Variants in PSD3 observed in about 807,000 individuals in gnomAD.
PSD3 encodes the protein pleckstrin and Sec7 domain containing 3, also known as PH and SEC7 domain-containing protein 3.
Under a neutral mutation model 105.5 loss-of-function variants are expected in PSD3, and 49 were observed. The ratio of observed to expected loss-of-function variants is 0.46; its 90% CI spans 0.37 to 0.59. The LOEUF is 0.59. PSD3 is among the 20% of genes least tolerant of loss of function. The probability of loss-of-function intolerance (pLI) is 0.00; values close to 1 mark genes in which losing one functional copy is unlikely to be tolerated. For synonymous variants in PSD3, 557 were observed against 457.8 expected, an observed-to-expected ratio of 1.22 and a Z score of -2.77; for missense variants, 1,561 against 1,263.8, an observed-to-expected ratio of 1.24 and a Z score of -3.57.
At chr8:18,906,927 G>C (rs535896104) in intron 2 of PSD3, among the ~76,000 whole-genome samples, 85 of 152,154 alleles carry the variant, frequency 5.6e-4, no homozygotes, top group African/African-American at 2.0e-3. Flanking sequence ...GCTAATGTGT[G>C]TTTCTGTGTC....
chr8:18,588,567 C>G (rs1170730613), intron 12 of PSD3, among the ~76,000 whole-genome samples: 1 of 152,154 alleles, frequency 6.6e-6, no homozygotes, highest in Non-Finnish European at 1.5e-5. Flanking sequence ...ACTATTCACT[C>G]TTCATAAATG....
At chr8:18,943,332 T>C (rs1822671591) in intron 1 of PSD3, among the ~76,000 whole-genome samples, 1 of 152,204 alleles carries the variant, frequency 6.6e-6, no homozygotes, top group African/African-American at 2.4e-5. Context: ...TATTTCTGGG[T>C]AAGATGGCAA....
rs150320499 is a variant in PSD3 at position 18,660,582 on chromosome 8, T to C, written c.2173-4897A>G. 3.6e-3 allele frequency among the ~76,000 whole-genome samples: 544 copies of C among 152,304 alleles called. 5 individuals carry two copies. The highest frequency in any genetic ancestry group is 0.012 in the African/African-American group (515 of 41,568). ...AGTCTTTCCCCACAGTGGTCTTATC[T>C]AAAGATGTGACAGTGCACAAGAAAA... On this transcript the variant is annotated intron_variant, in intron 9 of 15. Transcript: ENST00000327040.
At chr8:19,024,671 A>G (rs1025230) in intron 1 of PSD3, among the ~76,000 whole-genome samples, 74,445 of 151,854 alleles carry the variant, frequency 0.49, 19,156 homozygotes, top group Non-Finnish European at 0.58. Context: ...TTAGAGGGGT[A>G]GAACTTTCAG....
At chr8:18,840,325 G>A (rs143414826) in intron 4 of PSD3, among the ~76,000 whole-genome samples, 41 of 152,294 alleles carry the variant, frequency 2.7e-4, no homozygotes, top group African/African-American at 9.6e-4. Flanking sequence ...TGAACATGTT[G>A]GCCTCCCAAA....
chr8:18,899,223 T>C (rs748895703), intron 2 of PSD3, among the ~76,000 whole-genome samples: 7 of 152,184 alleles, frequency 4.6e-5, no homozygotes, highest in Non-Finnish European at 1.0e-4. Context: ...TGATACCTAT[T>C]TGCTCTTGAA....
intron 1 of PSD3, among the ~76,000 whole-genome samples, chr8:18,996,471 G>A (rs1414781092): frequency 6.6e-6 from 1 of 151,766 alleles, no homozygotes; most frequent in African/African-American, 2.4e-5. Flanking sequence ...TGATGGAGAT[G>A]GGAAGATAAG....
Position 18,632,224 on chromosome 8 carries a change from G to A in PSD3, c.2410+389C>T, listed in dbSNP as rs188680502. Among the ~76,000 whole-genome samples the A allele has an allele frequency of 2.5e-3, 375 of 151,988 alleles. 2 individuals are homozygous for A. The highest frequency in any genetic ancestry group is 4.6e-3 in the Admixed American group (70 of 15,250). On this transcript the variant is annotated intron_variant, in intron 11 of 15. Coordinates refer to ENST00000327040, the MANE Select transcript of PSD3 (RefSeq NM_015310.4). ...CCTTACACCATTAATTTTTCTATGCGTTGCAAATTCAACCTTTCCCTCAAC... is the reference window on the plus strand; with the variant it reads ...CCTTACACCATTAATTTTTCTATGCATTGCAAATTCAACCTTTCCCTCAAC...
Position 18,804,466 on chromosome 8 carries a change from C to T in PSD3, c.1910+56G>A, listed in dbSNP as rs917915606. 2.8e-6 allele frequency: 4 copies of T among 1,420,390 alleles called. No homozygotes were observed. In the South Asian group the frequency reaches 3.7e-5, roughly 13 times the overall value. The allele number at this position is 1,420,390 out of a possible 1,614,324, so 88.0% of individuals were successfully genotyped here. A position where few individuals can be genotyped will look rare whatever the true frequency, so the allele number is the denominator to read the frequency against. On this transcript the variant is annotated intron_variant, in intron 6 of 15. Transcript: ENST00000327040. ...TCTAGCTAGAAGACATTACTTTCTTCTCTAAGAACTAATCATTTGAAAGCA... is the reference window on the plus strand; with the variant it reads ...TCTAGCTAGAAGACATTACTTTCTTTTCTAAGAACTAATCATTTGAAAGCA...
intron 2 of PSD3, among the ~76,000 whole-genome samples, chr8:18,888,242 G>T (rs973866469): frequency 6.6e-6 from 1 of 152,244 alleles, no homozygotes; most frequent in African/African-American, 2.4e-5. Flanking sequence ...ACAGCACCAG[G>T]GTAGTGGAAA....
intron 4 of PSD3, among the ~76,000 whole-genome samples, chr8:18,805,183 A>G (rs1311257069): frequency 6.6e-6 from 1 of 152,228 alleles, no homozygotes. Flanking sequence ...ATACCTACCG[A>G]TATTTACCCT....
intron 1 of PSD3, among the ~76,000 whole-genome samples, chr8:19,040,923 C>T (rs1395665576): frequency 6.6e-6 from 1 of 152,112 alleles, no homozygotes; most frequent in Non-Finnish European, 1.5e-5. Flanking sequence ...GACAGGGTCT[C>T]ACTCTGTCAC....
At chr8:19,052,469 T>TAA (rs1828563547) in intron 1 of PSD3, among the ~76,000 whole-genome samples, 1 of 39,340 alleles carries the variant, frequency 2.5e-5, no homozygotes, top group African/African-American at 7.1e-5. Context: ...AGACTCTGTC[T>TAA]CAAAAAAAAA....
At chr8:18,719,852 T>C (rs1204176448) in intron 9 of PSD3, among the ~76,000 whole-genome samples, 5 of 152,226 alleles carry the variant, frequency 3.3e-5, no homozygotes, top group Non-Finnish European at 5.9e-5. Context: ...TCTGTATATT[T>C]TGCTTTGTCA....
chr8:18,993,854 G>A (rs1378602379), intron 1 of PSD3, among the ~76,000 whole-genome samples: 4 of 118,994 alleles, frequency 3.4e-5, no homozygotes, highest in African/African-American at 1.2e-4. Flanking sequence ...AGAACAATTT[G>A]ATTATATCAA....
intron 1 of PSD3, among the ~76,000 whole-genome samples, chr8:19,070,448 G>C (rs1746196655): frequency 6.6e-6 from 1 of 151,162 alleles, no homozygotes; most frequent in African/African-American, 2.4e-5. Context: ...GGCCGAGGTT[G>C]GTAGATCACC....
chr8:18,788,372 G>A (rs985246638), intron 8 of PSD3, among the ~76,000 whole-genome samples: 8 of 152,268 alleles, frequency 5.3e-5, no homozygotes, highest in South Asian at 2.1e-4. Context: ...TACAAGCTTC[G>A]GCACCAAACT....
intron 9 of PSD3, among the ~76,000 whole-genome samples, chr8:18,752,586 TTA>T (rs1348020646): frequency 1.3e-5 from 1 of 78,068 alleles, no homozygotes; most frequent in Non-Finnish European, 2.1e-5. Flanking sequence ...ATTATATATA[TTA>T]TATATTATAT....
At position 18,632,731 on chromosome 8, in the gene PSD3, G is replaced by C; in HGVS notation, c.2292C>G (p.Ile764Met). ...GGTTAGTAGTACTTCCAATACGACT[G>C]ATGGTCTTTGGATGTGTTCCGTTAG... Reference protein sequence around the residue: ...EKANGTHPKTISRIGSTTNPF... With the variant: ...EKANGTHPKTMSRIGSTTNPF... The change falls in exon 11 of 16, where the codon ATC becomes ATG. Residue 764 changes from isoleucine to methionine, a missense_variant. Physicochemically the swap from Ile to Met is conservative, Grantham distance 10 (BLOSUM62 1). Transcript: ENST00000327040. 1.9e-6 allele frequency: 3 copies of C among 1,607,498 alleles called. No homozygotes were observed. The highest frequency in any genetic ancestry group is 2.6e-6 in the Non-Finnish European group (3 of 1,174,354).
Sources: allele counts gnomAD v4.1 joint callset (sites outside exome capture counted in the v4.1 genomes callset), GRCh38; gene constraint gnomAD v4.1.1; transcripts MANE v1.5; gene names NCBI Gene and HGNC (gene_info 2026-07-23, HGNC 2026-07-21).